The following DPY19L2 variants were observed in gnomAD, a reference collection of about 807,000 sequenced individuals.
DPY19L2 encodes the protein dpy-19 like 2.
DPY19L2 carries 34 observed loss-of-function variants against 97.9 expected under a neutral mutation model. The ratio of observed to expected loss-of-function variants is 0.35; its 90% CI spans 0.26 to 0.46. The LOEUF is 0.46. DPY19L2 is among the 20% of genes least tolerant of loss of function. The pLI, the probability that DPY19L2 is intolerant of heterozygous loss-of-function variation, is 1.00. For synonymous variants in DPY19L2, 230 were observed against 307.9 expected (o/e 0.75, Z 2.65); for missense variants, 623 against 911.4 (o/e 0.68, Z 4.07).
intron 3 of DPY19L2, 134 bp from the exon 4 acceptor site, chr12:63,661,615 T>C: frequency 1.5e-6 from 1 of 656,108 alleles, no homozygotes; most frequent in Non-Finnish European, 2.4e-6. Context: ...CTTCTCGCTA[T>C]TTTGCATTCT....
intron 12 of DPY19L2, among the ~76,000 whole-genome samples, chr12:63,605,932 C>T (rs2971490): frequency 6.6e-6 from 1 of 152,116 alleles, no homozygotes; most frequent in African/African-American, 2.4e-5. Context: ...CCTTCATACA[C>T]ATAAATGTGT....
chr12:63,612,884 T>C (rs1385343038), intron 11 of DPY19L2, among the ~76,000 whole-genome samples: 1 of 152,036 alleles, frequency 6.6e-6, no homozygotes, highest in African/African-American at 2.4e-5. Context: ...TAAAATATTA[T>C]GCCTTTGTCA....
At chr12:63,646,084 C>A (rs1455112322) in intron 5 of DPY19L2, among the ~76,000 whole-genome samples, 2 of 152,098 alleles carry the variant, frequency 1.3e-5, no homozygotes, top group Non-Finnish European at 2.9e-5. Context: ...AAATACTTAT[C>A]CTCTCTTACT....
At chr12:63,647,418 A>G in intron 4 of DPY19L2, 53 bp from the exon 5 acceptor site, 1 of 610,112 alleles carries the variant, frequency 1.6e-6, no homozygotes, top group South Asian at 2.5e-5. Flanking sequence ...TTCTCTTCAT[A>G]ATAATAATAA....
At chr12:63,599,088 G>T (rs904944504) in intron 13 of DPY19L2, among the ~76,000 whole-genome samples, 1 of 151,372 alleles carries the variant, frequency 6.6e-6, no homozygotes, top group Non-Finnish European at 1.5e-5. Flanking sequence ...CACGAGAATC[G>T]CTTGAGCCCA....
chr12:63,653,203 A>G (rs1894506055), intron 4 of DPY19L2, among the ~76,000 whole-genome samples: 1 of 152,080 alleles, frequency 6.6e-6, no homozygotes, highest in Non-Finnish European at 1.5e-5. Flanking sequence ...AGGATCCTAC[A>G]TTCATGTCAT....
At chr12:63,597,169 A>G (rs1473203147) in intron 14 of DPY19L2, among the ~76,000 whole-genome samples, 1 of 150,696 alleles carries the variant, frequency 6.6e-6, no homozygotes, top group African/African-American at 2.4e-5. Flanking sequence ...AGATGGAGTT[A>G]CCACCATGTT....
At chr12:63,659,933 C>T (rs1895456317) in intron 4 of DPY19L2, among the ~76,000 whole-genome samples, 1 of 151,924 alleles carries the variant, frequency 6.6e-6, no homozygotes, top group Admixed American at 6.6e-5. Flanking sequence ...AATCCAAATG[C>T]TTATTAAACA....
At chr12:63,593,699 G>T (rs960775413) in intron 16 of DPY19L2, among the ~76,000 whole-genome samples, 40 of 152,084 alleles carry the variant, frequency 2.6e-4, no homozygotes, top group Admixed American at 1.0e-3. Flanking sequence ...TAAATGACAA[G>T]TTAATGGGTG....
At chr12:63,601,703 G>A (rs1171684704) in intron 12 of DPY19L2, among the ~76,000 whole-genome samples, 1 of 152,066 alleles carries the variant, frequency 6.6e-6, no homozygotes, top group Non-Finnish European at 1.5e-5. Context: ...TTGGTAAATG[G>A]GAGTACAGAG....
At position 63,649,091 on chromosome 12, in the gene DPY19L2, A is replaced by C. The variant is rs1039775723; in HGVS notation, c.589-1726T>G. Among the ~76,000 whole-genome samples, 2 of 152,158 alleles carry C rather than the reference A, an allele frequency of 1.3e-5. 1 individual carries two copies. The highest frequency in any genetic ancestry group is 2.9e-5 in the Non-Finnish European group (2 of 68,020). ...CTCCTGAATGACTTTCTGAGTCAACAAAGAAATTAAGGTAGAAATCAAGAA... is the reference window on the plus strand; with the variant it reads ...CTCCTGAATGACTTTCTGAGTCAACCAAGAAATTAAGGTAGAAATCAAGAA... On this transcript the variant is annotated intron_variant, in intron 4 of 21. Coordinates refer to ENST00000324472, the MANE Select transcript of DPY19L2 (RefSeq NM_173812.5).
At chr12:63,588,502 T>C (rs1882204029) in intron 16 of DPY19L2, among the ~76,000 whole-genome samples, 1 of 152,074 alleles carries the variant, frequency 6.6e-6, no homozygotes. Flanking sequence ...AATTAAAAAA[T>C]CGTTAAGAGG....
intron 4 of DPY19L2, among the ~76,000 whole-genome samples, chr12:63,654,001 AT>A (rs1233415001): frequency 1.3e-5 from 2 of 151,990 alleles, no homozygotes; most frequent in African/African-American, 4.8e-5. Context: ...CTAAAAAAAA[AT>A]AAAAATAAAT....
In DPY19L2 at chr12:63,558,961, A is replaced by G. The variant is rs1400714332; in HGVS notation, c.*1551T>C. 2 of 152,204 alleles carry G rather than the reference A, an allele frequency of 1.3e-5. No individual in the cohort carries two copies. The highest frequency in any genetic ancestry group is 2.9e-5 in the Non-Finnish European group (2 of 68,024). The allele number at this position is 152,204 out of a possible 1,614,324, so 9.4% of individuals were successfully genotyped here. A position where few individuals can be genotyped will look rare whatever the true frequency, so the allele number is the denominator to read the frequency against. On this transcript the variant is annotated 3_prime_UTR_variant, in exon 22 of 22. Transcript: ENST00000324472. ...TTTTTTAATGCATAAATCCAAACAT[A>G]TATTTGTACTGAATATTTTATTAGC... is the stretch of plus-strand genomic sequence containing the variant.
chr12:63,650,387 T>C (rs1894036345), intron 4 of DPY19L2, among the ~76,000 whole-genome samples: 1 of 152,142 alleles, frequency 6.6e-6, no homozygotes, highest in African/African-American at 2.4e-5. Context: ...ACTATCTTTT[T>C]TGTAAACAAT....
chr12:63,653,389 A>G (rs1894536683), intron 4 of DPY19L2, among the ~76,000 whole-genome samples: 1 of 152,046 alleles, frequency 6.6e-6, no homozygotes. Context: ...GTGAAACCCC[A>G]TGTCTACAAA....
chr12:63,642,441 T>C (rs919046587), intron 6 of DPY19L2, among the ~76,000 whole-genome samples: 1 of 152,112 alleles, frequency 6.6e-6, no homozygotes, highest in African/African-American at 2.4e-5. Context: ...CTGAACATTT[T>C]ATAAATTTGT....
Position 63,619,772 on chromosome 12 carries a change from T to C in DPY19L2, c.1053+1466A>G, listed in dbSNP as rs1449038830. Among the ~76,000 whole-genome samples the C allele has an allele frequency of 2.0e-5, 3 of 152,174 alleles. No individual in the cohort carries two copies. In the East Asian group the frequency reaches 5.8e-4, roughly 29 times the overall value. On this transcript the variant is annotated intron_variant, in intron 9 of 21. Coordinates refer to ENST00000324472, the MANE Select transcript of DPY19L2 (RefSeq NM_173812.5). ...CACCCGCCTCAGCCTCCCAAAGTTC[T>C]GGGAGTACAGGCGTGAGCCATCACA...
chr12:63,652,674 C>A (rs1050928316), intron 4 of DPY19L2, among the ~76,000 whole-genome samples: 7 of 152,078 alleles, frequency 4.6e-5, no homozygotes, highest in African/African-American at 1.7e-4. Flanking sequence ...AATGCAGGAA[C>A]GGAAAACTAA....
Sources: gnomAD v4.1 joint callset for allele counts (sites outside exome capture counted in the v4.1 genomes callset) on GRCh38, gnomAD v4.1.1 for gene constraint, MANE v1.5 for transcripts, NCBI Gene and HGNC (gene_info 2026-07-23, HGNC 2026-07-21) for gene names.